The following COX10 variants were observed in gnomAD, a reference collection of about 807,000 sequenced individuals.
The protein encoded by COX10 is protoheme IX farnesyltransferase, mitochondrial.
COX10 carries 27 observed loss-of-function variants against 37.3 expected under a neutral mutation model. The ratio of observed to expected loss-of-function variants is 0.72; its 90% CI spans 0.53 to 1.00. The LOEUF (loss-of-function observed/expected upper bound fraction) is 1.00. Ranked by LOEUF, COX10 falls within the 50% of genes least tolerant of loss-of-function variation. The pLI, the probability that COX10 is intolerant of heterozygous loss-of-function variation, is 0.00. For synonymous variants in COX10, 222 were observed against 229.1 expected (o/e 0.97, Z 0.28); for missense variants, 475 against 563.2 (o/e 0.84, Z 1.59).
At chr17:14,074,521 G>T in intron 2 of COX10, 65 bp downstream of exon 2, 1 of 1,435,580 alleles carries the variant, frequency 7.0e-7, no homozygotes, top group South Asian at 1.1e-5. Context: ...GAGAATTTCA[G>T]AAATTCCTAT....
At chr17:14,140,318 G>T (rs1022187871) in intron 4 of COX10, among the ~76,000 whole-genome samples, 4 of 151,858 alleles carry the variant, frequency 2.6e-5, no homozygotes, top group Non-Finnish European at 5.9e-5. Flanking sequence ...AGTATTTTAG[G>T]CATTCTTCCA....
chr17:14,159,841 G>A (rs772901907), intron 4 of COX10, 36 bp from the exon 5 acceptor site: 14 of 1,493,284 alleles, frequency 9.4e-6, no homozygotes, highest in Non-Finnish European at 1.3e-5. Flanking sequence ...TTGTTTTATA[G>A]TTAATGTTTT....
rs368124325 is a variant in COX10 at position 14,159,846 on chromosome 17, T to C, written c.625-31T>C. On this transcript the variant is annotated intron_variant, in intron 4 of 6. Transcript: ENST00000261643. ...AAGAAAAGAATTGTTTTATAGTTAA[T>C]GTTTTCTGTCTTTTTTCATTCTTTT... 7.3e-5 allele frequency: 111 copies of C among 1,527,850 alleles called. 1 individual carries two copies. The African/African-American group carries it at 1.3e-3, about 18-fold the overall frequency. 94.6% of individuals were successfully genotyped at this position (1,527,850 alleles called of 1,614,324 possible). A position where few individuals can be genotyped will look rare whatever the true frequency, so the allele number is the denominator to read the frequency against.
rs1226913555 is a variant in COX10 at position 14,130,854 on chromosome 17, C to T, written c.624+28612C>T. Among the ~76,000 whole-genome samples the T allele has an allele frequency of 3.3e-5, 5 of 152,012 alleles. No individual in the cohort carries two copies. The East Asian group carries it at 9.6e-4, about 29-fold the overall frequency. Reference sequence around the variant, plus strand: ...TCTTCACTAAATAGTCTCGTCATCTCCTGTAGAGCCCTTTCAAGAACCTTC... The same window carrying T: ...TCTTCACTAAATAGTCTCGTCATCTTCTGTAGAGCCCTTTCAAGAACCTTC... On this transcript the variant is annotated intron_variant, in intron 4 of 6. Transcript: ENST00000261643.
chr17:14,136,459 T>C (rs1904368694), intron 4 of COX10, among the ~76,000 whole-genome samples: 1 of 152,058 alleles, frequency 6.6e-6, no homozygotes, highest in Non-Finnish European at 1.5e-5. Context: ...TAGATGTGCT[T>C]TCCATTCATT....
intron 6 of COX10, among the ~76,000 whole-genome samples, chr17:14,196,715 C>T (rs1279782390): frequency 4.6e-5 from 7 of 152,142 alleles, no homozygotes; most frequent in Non-Finnish European, 8.8e-5. Flanking sequence ...TGTGTGCCTC[C>T]TCTCACCTAC....
intron 5 of COX10, among the ~76,000 whole-genome samples, chr17:14,171,549 T>C (rs1247475978): frequency 6.6e-6 from 1 of 151,708 alleles, no homozygotes; most frequent in African/African-American, 2.4e-5. Flanking sequence ...TACCTCAAAC[T>C]GAGGAGACCA....
intron 5 of COX10, among the ~76,000 whole-genome samples, chr17:14,191,470 T>A (rs1267719073): frequency 6.6e-6 from 1 of 152,086 alleles, no homozygotes; most frequent in East Asian, 1.9e-4. Flanking sequence ...GATCACTAAT[T>A]AAGTGATGTC....
At chr17:14,105,137 TA>T (rs757635818) in intron 4 of COX10, among the ~76,000 whole-genome samples, 1 of 152,196 alleles carries the variant, frequency 6.6e-6, no homozygotes, top group South Asian at 2.1e-4. Flanking sequence ...AGTGTTATAA[TA>T]AGCTATAATT....
At chr17:14,156,236 T>A (rs34352556) in intron 4 of COX10, among the ~76,000 whole-genome samples, 87,344 of 150,954 alleles carry the variant, frequency 0.58, 25,494 homozygotes, top group East Asian at 0.63. Flanking sequence ...AAATCTGAAT[T>A]TTTTTTTTGA....
chr17:14,069,627 C>T lies in COX10; in HGVS notation c.22C>T (p.Leu8Phe). 1 of 1,614,114 alleles carries T rather than the reference C, an allele frequency of 6.2e-7. No individual in the cohort carries two copies. Residue 8 changes from leucine (L) to phenylalanine (F), a missense_variant, in exon 1 of 7, where the codon CTC (leucine) becomes TTC (phenylalanine). This residue lies in a region of COX10 where 242 missense variants were observed against 242.5 expected (regional missense o/e 1.00). Coordinates refer to ENST00000261643, the MANE Select transcript of COX10 (RefSeq NM_001303.4). Reference sequence around the variant, plus strand: ...AATTATGGCCGCATCTCCGCACACTCTCTCCTCACGCCTCCTGACAGGTAC... The same window carrying T: ...AATTATGGCCGCATCTCCGCACACTTTCTCCTCACGCCTCCTGACAGGTAC... The part of the protein sequence containing the change: MAASPHT[L>F]SSRLLTGCVG...
chr17:14,186,981 TA>T (rs1906049065), intron 5 of COX10, among the ~76,000 whole-genome samples: 1 of 105,512 alleles, frequency 9.5e-6, no homozygotes, highest in East Asian at 3.0e-4. Flanking sequence ...TGTCTTATTT[TA>T]AGGTTTTTTT....
chr17:14,101,992 C>G, intron 3 of COX10, 126 bp from the exon 4 acceptor site: 2 of 1,171,844 alleles, frequency 1.7e-6, no homozygotes, highest in Non-Finnish European at 2.5e-6. Context: ...AAAGATCAGC[C>G]TGTACTTTGT....
At chr17:14,151,543 AC>A (rs1324909628) in intron 4 of COX10, among the ~76,000 whole-genome samples, 5 of 150,362 alleles carry the variant, frequency 3.3e-5, no homozygotes, top group Non-Finnish European at 7.4e-5. Flanking sequence ...ACACACACAC[AC>A]ACACACACAC....
chr17:14,104,909 T>C lies in COX10; in HGVS notation c.624+2667T>C, dbSNP rs193290561. On this transcript the variant is annotated intron_variant, in intron 4 of 6. Transcript: ENST00000261643. ...TTTTGTAATACGTACACATGCTTCA[T>C]TTGAAACCGTAGTGTGGCTTTAAAG... Among the ~76,000 whole-genome samples, 387 of 152,296 alleles carry C rather than the reference T, an allele frequency of 2.5e-3. 1 individual carries two copies. Among genetic ancestry groups the C allele is most frequent in the Non-Finnish European group, 4.2e-3 (287 of 68,008 alleles).
intron 4 of COX10, among the ~76,000 whole-genome samples, chr17:14,116,732 A>G (rs1163922757): frequency 6.6e-6 from 1 of 152,214 alleles, no homozygotes; most frequent in East Asian, 1.9e-4. Flanking sequence ...TTTTCCAGCC[A>G]GTTCTTACAG....
At chr17:14,199,760 G>T (rs944301777) in intron 6 of COX10, among the ~76,000 whole-genome samples, 1 of 152,156 alleles carries the variant, frequency 6.6e-6, no homozygotes, top group African/African-American at 2.4e-5. Flanking sequence ...CCCTTTATCT[G>T]CAGCACCATA....
At chr17:14,070,151 G>A (rs896060813) in intron 1 of COX10, among the ~76,000 whole-genome samples, 1 of 152,122 alleles carries the variant, frequency 6.6e-6, no homozygotes, top group African/African-American at 2.4e-5. Flanking sequence ...CCGCCAGAGT[G>A]GTCTTTAATA....
At chr17:14,185,528 G>A (rs964436621) in intron 5 of COX10, among the ~76,000 whole-genome samples, 2 of 152,116 alleles carry the variant, frequency 1.3e-5, no homozygotes, top group Admixed American at 1.3e-4. Flanking sequence ...GATTAAAACA[G>A]CTAAATTTCA....
Sources: gnomAD v4.1 joint callset for allele counts (sites outside exome capture counted in the v4.1 genomes callset) on GRCh38, gnomAD v4.1.1 for gene constraint, gnomAD v4.1.1 regional missense constraint, MANE v1.5 for transcripts, NCBI Gene and HGNC (gene_info 2026-07-23, HGNC 2026-07-21) for gene names.